The following NEURL4 variants were observed in gnomAD, a reference collection of about 807,000 sequenced individuals.
NEURL4 encodes neuralized-like protein 4.
Under a neutral mutation model 148.0 loss-of-function variants are expected in NEURL4, and 45 were observed. The ratio of observed to expected loss-of-function variants is 0.30; its 90% CI spans 0.24 to 0.39. The LOEUF is 0.39. NEURL4 is among the 10% of genes least tolerant of loss of function. NEURL4 has a pLI of 1.00. For synonymous variants in NEURL4, 854 were observed against 869.0 expected, an observed-to-expected ratio of 0.98 and a Z score of 0.30; for missense variants, 1,776 against 2,144.0, an observed-to-expected ratio of 0.83 and a Z score of 3.39.
Position 7,321,181 on chromosome 17 carries a change from A to G in NEURL4, c.3291T>C (p.Pro1097=), listed in dbSNP as rs1000880429. 3.7e-6 allele frequency: 6 copies of G among 1,613,884 alleles called. No homozygotes were observed. Among genetic ancestry groups the G allele is most frequent in the South Asian group, 1.1e-5 (1 of 91,076 alleles). The change falls in exon 20 of 29, where the codon CCT becomes CCC. Residue 1097 remains proline, a synonymous_variant. Transcript: ENST00000399464. The surrounding 1 kb of genome is among the most constrained non-coding windows in gnomAD (Gnocchi z 6.3). ...TGCCGGTGTCTGAACTGGGGGAAGG[A>G]GGCTGGGTGCCTTCTGACTCCTCCA... ...TRLEESEGTQ[P]PSPSSDTGSE... is the part of the protein sequence containing the mutation.
Position 7,322,637 on chromosome 17 carries a change from C to A in NEURL4, c.2725+98G>T. ...TCCCTGGAGCCGGCAGCTACCCCAG[C>A]CAACCGTCTTTGCAGAACCTCTCTA... On this transcript the variant is annotated intron_variant, in intron 16 of 28. Transcript: ENST00000399464. This position sits in a 1 kb window ranked among gnomAD's most constrained non-coding sequence, Gnocchi z 5.5. The A allele has an allele frequency of 6.7e-7, 1 of 1,495,466 alleles. No individual in the cohort carries two copies. The highest frequency in any genetic ancestry group is 1.2e-5 in the South Asian group (1 of 82,888). 92.6% of individuals were successfully genotyped at this position (1,495,466 alleles called of 1,614,324 possible). A position where few individuals can be genotyped will look rare whatever the true frequency, so the allele number is the denominator to read the frequency against.
rs891389946 is a variant in NEURL4, at chr17:7,318,950, G to A, written c.3684+100C>T. The stretch of plus-strand genomic sequence containing the variant: ...CCATTACTGTTCCCCTTTTACACCT[G>A]TGGTCCTACCTCCAAGGCTAGGGGC... On this transcript the variant is annotated intron_variant, in intron 22 of 28. Coordinates refer to ENST00000399464, the MANE Select transcript of NEURL4 (RefSeq NM_032442.3). This position sits in a 1 kb window ranked among gnomAD's most constrained non-coding sequence, Gnocchi z 4.3. 6 of 1,353,936 alleles carry A rather than the reference G, an allele frequency of 4.4e-6. No homozygotes were observed. The highest frequency in any genetic ancestry group is 5.0e-6 in the Non-Finnish European group (5 of 990,958). The allele number at this position is 1,353,936 out of a possible 1,614,324, so 83.9% of individuals were successfully genotyped here. A position where few individuals can be genotyped will look rare whatever the true frequency, so the allele number is the denominator to read the frequency against.
chr17:7,327,036 G>A lies in NEURL4; in HGVS notation c.794-27C>T. 2 of 1,606,292 alleles carry A rather than the reference G, an allele frequency of 1.2e-6. No homozygotes were observed. The highest frequency in any genetic ancestry group is 2.2e-5 in the East Asian group (1 of 44,846). On this transcript the variant is annotated intron_variant, in intron 3 of 28. Coordinates refer to ENST00000399464, the MANE Select transcript of NEURL4 (RefSeq NM_032442.3). This position sits in a 1 kb window ranked among gnomAD's most constrained non-coding sequence, Gnocchi z 6.6. ...TATAGCAGCAGGATGGAAGAAGGAA[G>A]CTCGGAAGTTGGGATGAGGCTCTAC...
At position 7,321,998 on chromosome 17, in the gene NEURL4, G is replaced by A; in HGVS notation, c.2738C>T (p.Ala913Val). The part of the protein sequence containing the change: ...FPLHSPVAGV[A>V]HRFHSTCGKN... ...GCCGCAAGTACTGTGGAATCGGTGA[G>A]CCACGCCAGCCACTGTGAAGAGATG... is the stretch of plus-strand genomic sequence containing the variant. The change falls in exon 17 of 29, where the codon GCT (alanine) becomes GTT (valine). Residue 913 changes from alanine to valine, a missense_variant. Coordinates refer to ENST00000399464, the MANE Select transcript of NEURL4 (RefSeq NM_032442.3). The surrounding 1 kb of genome is among the most constrained non-coding windows in gnomAD (Gnocchi z 6.3). 1 of 1,604,370 alleles carries A rather than the reference G, an allele frequency of 6.2e-7. No homozygotes were observed. The highest frequency in any genetic ancestry group is 8.5e-7 in the Non-Finnish European group (1 of 1,176,452).
chr17:7,320,971 C>T (rs913731533), intron 20 of NEURL4, 48 bp from the exon 21 acceptor site: 8 of 1,607,244 alleles, frequency 5.0e-6, no homozygotes, highest in Non-Finnish European at 6.0e-6. Context: ...AATGCCAGGA[C>T]TGACCCACCC....
rs368015095 is a variant in NEURL4, at chr17:7,317,759, G to A, written c.4205+29C>T. The A allele has an allele frequency of 1.9e-6, 3 of 1,609,308 alleles. No homozygotes were observed. The African/African-American group carries it at 4.0e-5, about 22-fold the overall frequency. ...CGTTTCTCCAGGGGGAAAACAGTAG[G>A]GGAAAGGCATGACCTTGCCCATATG... On this transcript the variant is annotated intron_variant, in intron 26 of 28. Coordinates refer to ENST00000399464, the MANE Select transcript of NEURL4 (RefSeq NM_032442.3).
At chr17:7,320,394 A>G (rs941131225) in intron 21 of NEURL4, among the ~76,000 whole-genome samples, 2 of 152,068 alleles carry the variant, frequency 1.3e-5, no homozygotes, top group African/African-American at 4.8e-5. Context: ...CTTGGCCTCC[A>G]AAAGTTCTGG....
In NEURL4 at chr17:7,321,159, C is replaced by G; in HGVS notation, c.3313G>C (p.Gly1105Arg). The G allele has an allele frequency of 6.2e-7, 1 of 1,613,982 alleles. No individual in the cohort carries two copies. The highest frequency in any genetic ancestry group is 1.1e-5 in the South Asian group (1 of 91,084). ...TQPPSPSSDT[G>R]SEGEEDDEGE... ...TCGTCATCCTCCTCGCCCTCACTGC[C>G]GGTGTCTGAACTGGGGGAAGGAGGC... The change falls in exon 20 of 29, where the codon GGC (glycine) becomes CGC (arginine). Residue 1105 changes from glycine to arginine, a missense_variant. Coordinates refer to ENST00000399464, the MANE Select transcript of NEURL4 (RefSeq NM_032442.3). This position sits in a 1 kb window ranked among gnomAD's most constrained non-coding sequence, Gnocchi z 6.3.
intron 6 of NEURL4, 121 bp from the exon 7 acceptor site, chr17:7,325,834 T>G: frequency 2.5e-6 from 2 of 798,106 alleles, no homozygotes; most frequent in Non-Finnish European, 4.3e-6. Flanking sequence ...GGACAGGTCC[T>G]GGGTCCTTGT....
In NEURL4 at chr17:7,321,149, C is replaced by T. The variant is rs772250333; in HGVS notation, c.3323G>A (p.Gly1108Asp). The T allele has an allele frequency of 2.5e-6, 4 of 1,613,830 alleles. No individual in the cohort carries two copies. Among genetic ancestry groups the T allele is most frequent in the African/African-American group, 1.3e-5 (1 of 74,918 alleles). The part of the protein sequence containing the change: ...PSPSSDTGSE[G>D]EEDDEGEEHG... ...CTCCTCGCCCTCGTCATCCTCCTCG[C>T]CCTCACTGCCGGTGTCTGAACTGGG... Residue 1108 changes from glycine (G) to aspartate (D), a missense_variant, in exon 20 of 29, where the codon GGC becomes GAC. By Grantham distance (94) the Gly-to-Asp change is moderately conservative. Coordinates refer to ENST00000399464, the MANE Select transcript of NEURL4 (RefSeq NM_032442.3). The surrounding 1 kb of genome is among the most constrained non-coding windows in gnomAD (Gnocchi z 6.3).
rs771277907 is a variant in NEURL4 at position 7,325,221 on chromosome 17, G to A, written c.1619C>T (p.Ala540Val). 4 of 1,579,682 alleles carry A rather than the reference G, an allele frequency of 2.5e-6. No homozygotes were observed. Among genetic ancestry groups the A allele is most frequent in the South Asian group, 1.1e-5 (1 of 89,820 alleles). Residue 540 changes from alanine (A) to valine (V), a missense_variant, in exon 8 of 29, where the codon GCC becomes GTC. Ala to Val is a moderately conservative substitution (Grantham distance 64). Transcript: ENST00000399464. ...CCATGGGCCATACTGGGGCCTCAGGGCAGTGCGTCCCTCGTGGGTGATGGC... is the reference window on the plus strand; with the variant it reads ...CCATGGGCCATACTGGGGCCTCAGGACAGTGCGTCCCTCGTGGGTGATGGC... ...KAAITHEGRTALRPHATDDFN... is the reference protein window; with the variant it reads ...KAAITHEGRTVLRPHATDDFN...
chr17:7,316,779 G>C (rs1427906203), intron 28 of NEURL4, among the ~76,000 whole-genome samples: 1 of 152,096 alleles, frequency 6.6e-6, no homozygotes, highest in Non-Finnish European at 1.5e-5. Flanking sequence ...AAAATTATCC[G>C]GGCTTGGTGG....
Position 7,318,741 on chromosome 17 carries a change from TCTG to T in NEURL4, c.3685-70_3685-68del. ...CCGCGGCAGCTGTCCCGCCCTTTGC[TCTG>T]CTTCCTTTTGCCAGTGCCTTGGCTT... On this transcript the variant is annotated intron_variant, in intron 22 of 28. Coordinates refer to ENST00000399464, the MANE Select transcript of NEURL4 (RefSeq NM_032442.3). This position sits in a 1 kb window ranked among gnomAD's most constrained non-coding sequence, Gnocchi z 4.3. 6.7e-7 allele frequency: 1 copy of T among 1,501,062 alleles called. No homozygotes were observed. 93.0% of individuals were successfully genotyped at this position (1,501,062 alleles called of 1,614,324 possible).
Position 7,318,653 on chromosome 17 carries a change from T to C in NEURL4, c.3706A>G (p.Asn1236Asp), listed in dbSNP as rs374635885. The change falls in exon 23 of 29, where the codon AAT becomes GAT. Residue 1236 changes from asparagine to aspartate, a missense_variant. By Grantham distance (23) the Asn-to-Asp change is conservative. Coordinates refer to ENST00000399464, the MANE Select transcript of NEURL4 (RefSeq NM_032442.3). This position sits in a 1 kb window ranked among gnomAD's most constrained non-coding sequence, Gnocchi z 4.3. The stretch of plus-strand genomic sequence containing the variant: ...GTGCCTTCAGGGCACGTGTCCAGAT[T>C]GGGCCCAAACTTCTCGCAGATCTGG... Reference protein sequence around the residue: ...GLKICEKFGPNLDTCPEGTIL... With the variant: ...GLKICEKFGPDLDTCPEGTIL... The C allele has an allele frequency of 5.4e-5, 87 of 1,611,000 alleles. No individual in the cohort carries two copies. The Middle Eastern group carries it at 6.6e-4, about 12-fold the overall frequency.
chr17:7,318,015 T>C lies in NEURL4; in HGVS notation c.4060+50A>G. 1 of 1,613,504 alleles carries C rather than the reference T, an allele frequency of 6.2e-7. No individual in the cohort carries two copies. The highest frequency in any genetic ancestry group is 8.5e-7 in the Non-Finnish European group (1 of 1,179,394). ...ACCCTCCAGCTGCTCTCCAAGGCTC[T>C]AGGCCTGGCCCTGGGAATGAAGTCA... On this transcript the variant is annotated intron_variant, in intron 25 of 28. Coordinates refer to ENST00000399464, the MANE Select transcript of NEURL4 (RefSeq NM_032442.3). This position sits in a 1 kb window ranked among gnomAD's most constrained non-coding sequence, Gnocchi z 4.3.
In NEURL4 at chr17:7,326,858, G is replaced by A. The variant is rs370156474; in HGVS notation, c.945C>T (p.Asn315=). The stretch of plus-strand genomic sequence containing the variant: ...ACTTTTCATGAAAGAGCAGGGCATC[G>A]TTGGAAGTGAGAATGGGCGAGGTGG... ...GAATSPILTS[N]DALLFHEKCG... Residue 315 remains asparagine (N), a synonymous_variant, in exon 4 of 29, where the codon AAC becomes AAT. Coordinates refer to ENST00000399464, the MANE Select transcript of NEURL4 (RefSeq NM_032442.3). This position sits in a 1 kb window ranked among gnomAD's most constrained non-coding sequence, Gnocchi z 6.0. The A allele has an allele frequency of 5.7e-5, 92 of 1,613,974 alleles. No homozygotes were observed. The Middle Eastern group carries it at 6.6e-4, about 12-fold the overall frequency.
In NEURL4 at chr17:7,326,850, A is replaced by C; in HGVS notation, c.953T>G (p.Leu318Arg). The C allele has an allele frequency of 6.2e-7, 1 of 1,613,904 alleles. No homozygotes were observed. The highest frequency in any genetic ancestry group is 8.5e-7 in the Non-Finnish European group (1 of 1,179,952). ...TSPILTSNDA[L>R]LFHEKCGTLI... is the part of the protein sequence containing the mutation. ...GGTCCCGCACTTTTCATGAAAGAGC[A>C]GGGCATCGTTGGAAGTGAGAATGGG... Residue 318 changes from leucine (L) to arginine (R), a missense_variant, in exon 4 of 29, where the codon CTG becomes CGG. Physicochemically the swap from Leu to Arg is moderately radical, Grantham distance 102 (BLOSUM62 -2). Transcript: ENST00000399464. This position sits in a 1 kb window ranked among gnomAD's most constrained non-coding sequence, Gnocchi z 6.0.
rs71157274 is a variant in NEURL4, at chr17:7,319,403, T to TA, written c.3526-196dup. 6.5e-4 allele frequency among the ~76,000 whole-genome samples: 86 copies of TA among 131,410 alleles called. 1 individual carries two copies. Among genetic ancestry groups the TA allele is most frequent in the African/African-American group, 1.7e-3 (52 of 30,450 alleles). The allele number at this position is 131,410 out of a possible 152,430, so 86.2% of individuals were successfully genotyped here. ...TTTTTTTTTTTTTTTTTTTTTTTTT[T>TA]AAAAAAAAGAACCGCCAGCCGGGCA... On this transcript the variant is annotated intron_variant, in intron 21 of 28. Coordinates refer to ENST00000399464, the MANE Select transcript of NEURL4 (RefSeq NM_032442.3).
Position 7,316,085 on chromosome 17 carries a change from G to T in NEURL4, c.*38C>A. 2 of 1,072,016 alleles carry T rather than the reference G, an allele frequency of 1.9e-6. No homozygotes were observed. The highest frequency in any genetic ancestry group is 2.9e-6 in the Non-Finnish European group (2 of 685,126). 66.4% of individuals were successfully genotyped at this position (1,072,016 alleles called of 1,614,324 possible). On this transcript the variant is annotated 3_prime_UTR_variant, in exon 29 of 29. Transcript: ENST00000399464. ...GTCGCCACTCAGAGTCCATGGGCCC[G>T]CGGCCCGACTGTGCTTGTAGTAGTG...
Sources: allele counts gnomAD v4.1 joint callset (sites outside exome capture counted in the v4.1 genomes callset), GRCh38; gene constraint gnomAD v4.1.1; non-coding constraint Gnocchi (gnomAD v3.1); transcripts MANE v1.5; gene names NCBI Gene and HGNC (gene_info 2026-07-23, HGNC 2026-07-21).